The following KCNH7 variants were observed in gnomAD, a reference collection of about 807,000 sequenced individuals.
The protein encoded by KCNH7 is potassium voltage-gated channel subfamily H member 7.
A neutral mutation model predicts 120.8 loss-of-function variants in KCNH7; 49 were observed. The ratio of observed to expected loss-of-function variants is 0.41; its 90% CI spans 0.32 to 0.51. The LOEUF (loss-of-function observed/expected upper bound fraction) is 0.51, where lower values mean the gene tolerates loss of function less well. KCNH7 is among the 20% of genes least tolerant of loss of function. The pLI is 0.38. For synonymous variants in KCNH7, 547 were observed against 516.1 expected (o/e 1.06, Z -0.81); for missense variants, 1,097 against 1,446.6 (o/e 0.76, Z 3.92).
intron 3 of KCNH7, among the ~76,000 whole-genome samples, chr2:162,524,998 A>G (rs1691650870): frequency 6.6e-6 from 1 of 151,950 alleles, no homozygotes; most frequent in Non-Finnish European, 1.5e-5. Context: ...AGTGGGTGAC[A>G]AATGGGCCAC....
intron 2 of KCNH7, among the ~76,000 whole-genome samples, chr2:162,654,188 C>A (rs1574225735): frequency 6.8e-6 from 1 of 146,656 alleles, no homozygotes; most frequent in Non-Finnish European, 1.5e-5. Context: ...ACAAAGGAAA[C>A]AATCATTAGA....
intron 2 of KCNH7, among the ~76,000 whole-genome samples, chr2:162,665,216 ATCT>A (rs1685092848): frequency 6.6e-6 from 1 of 152,124 alleles, no homozygotes; most frequent in African/African-American, 2.4e-5. Context: ...TCTTGAAAAA[ATCT>A]TCTATCACAC....
At chr2:162,662,936 T>G (rs1188204741) in intron 2 of KCNH7, among the ~76,000 whole-genome samples, 1 of 152,238 alleles carries the variant, frequency 6.6e-6, no homozygotes, top group African/African-American at 2.4e-5. Context: ...AAGACTTGGG[T>G]TCTTCTTACT....
At chr2:162,675,203 C>A (rs958073969) in intron 2 of KCNH7, among the ~76,000 whole-genome samples, 22 of 151,430 alleles carry the variant, frequency 1.5e-4, no homozygotes, top group Admixed American at 2.6e-4. Context: ...ATATGATACA[C>A]TAAAATACTA....
chr2:162,731,427 A>G (rs1687727993), intron 2 of KCNH7, among the ~76,000 whole-genome samples: 2 of 151,824 alleles, frequency 1.3e-5, no homozygotes, highest in African/African-American at 4.8e-5. Flanking sequence ...CTAAATGCCT[A>G]TAAACAGAAT....
intron 2 of KCNH7, among the ~76,000 whole-genome samples, chr2:162,760,788 A>T (rs576719815): frequency 1.3e-5 from 2 of 152,132 alleles, no homozygotes; most frequent in East Asian, 1.9e-4. Context: ...TTTCCCTCTA[A>T]AATATATGCT....
chr2:162,769,467 T>G (rs1330365586), intron 2 of KCNH7, among the ~76,000 whole-genome samples: 1 of 152,088 alleles, frequency 6.6e-6, no homozygotes, highest in Non-Finnish European at 1.5e-5. Flanking sequence ...CTAATAATAT[T>G]CACTGAATTT....
intron 3 of KCNH7, among the ~76,000 whole-genome samples, chr2:162,521,058 A>G (rs1042162289): frequency 1.1e-4 from 16 of 151,922 alleles, no homozygotes; most frequent in African/African-American, 3.9e-4. Flanking sequence ...TTCATGGGTA[A>G]GCTTTTCCTT....
At chr2:162,568,283 C>G (rs1693330959) in intron 2 of KCNH7, among the ~76,000 whole-genome samples, 1 of 151,946 alleles carries the variant, frequency 6.6e-6, no homozygotes, top group Admixed American at 6.6e-5. Context: ...GATTACAATT[C>G]AAGATGAGAT....
chr2:162,582,928 A>G (rs1231687514), intron 2 of KCNH7, among the ~76,000 whole-genome samples: 2 of 152,118 alleles, frequency 1.3e-5, no homozygotes. Flanking sequence ...TGAGAGTTTG[A>G]TATAATTGCT....
chr2:162,598,577 T>A (rs1304895689), intron 2 of KCNH7, among the ~76,000 whole-genome samples: 1 of 152,104 alleles, frequency 6.6e-6, no homozygotes, highest in African/African-American at 2.4e-5. Context: ...AAAGACCCAA[T>A]ACTGAGTAAT....
chr2:162,635,523 G>A (rs943628870), intron 2 of KCNH7, among the ~76,000 whole-genome samples: 7 of 151,900 alleles, frequency 4.6e-5, no homozygotes, highest in African/African-American at 1.7e-4. Flanking sequence ...TGGCTTTAAA[G>A]TTTTGCAAAT....
chr2:162,518,207 C>A (rs774727518), intron 3 of KCNH7, 49 bp from the exon 4 acceptor site: 8 of 1,355,172 alleles, frequency 5.9e-6, no homozygotes, highest in Middle Eastern at 1.9e-4. Context: ...AATGATATAT[C>A]CTGTAACAAA....
At chr2:162,459,429 T>A (rs1471691778) in intron 6 of KCNH7, among the ~76,000 whole-genome samples, 1 of 152,148 alleles carries the variant, frequency 6.6e-6, no homozygotes, top group Non-Finnish European at 1.5e-5. Flanking sequence ...ATTGCTAGAA[T>A]GTGTCTGCCT....
intron 2 of KCNH7, among the ~76,000 whole-genome samples, chr2:162,802,644 G>A (rs953046133): frequency 3.3e-5 from 5 of 151,508 alleles, no homozygotes; most frequent in African/African-American, 7.3e-5. Context: ...AATAAATTAT[G>A]ACAATATATT....
intron 2 of KCNH7, among the ~76,000 whole-genome samples, chr2:162,692,195 G>A (rs929002196): frequency 6.7e-6 from 1 of 149,084 alleles, no homozygotes; most frequent in Non-Finnish European, 1.5e-5. Flanking sequence ...GTGTGATCTC[G>A]GCTCACTGCA....
chr2:162,821,180 C>G (rs79095924), intron 2 of KCNH7, among the ~76,000 whole-genome samples: 3,936 of 152,304 alleles, frequency 0.026, 165 homozygotes, highest in African/African-American at 0.089. Context: ...GATAAACATC[C>G]TTTACAAAGT....
chr2:162,832,673 G>A (rs575294437), intron 2 of KCNH7, among the ~76,000 whole-genome samples: 39 of 152,132 alleles, frequency 2.6e-4, no homozygotes, highest in African/African-American at 8.9e-4. Context: ...ATCTTCCTTT[G>A]TATCTCTTCC....
chr2:162,835,485 C>T lies in KCNH7; in HGVS notation c.307+1052G>A, dbSNP rs1313371889. On this transcript the variant is annotated intron_variant, in intron 2 of 15. Transcript: ENST00000332142. ...AAAAATCTGAACAGCTACCCCTCTG[C>T]CTCAGTAATTTCTGTTAGTGGAATA... Among the ~76,000 whole-genome samples, 4 of 151,938 alleles carry T rather than the reference C, an allele frequency of 2.6e-5. No individual in the cohort carries two copies. The East Asian group carries it at 7.8e-4, about 29-fold the overall frequency.
Sources: gnomAD v4.1 joint callset for allele counts (sites outside exome capture counted in the v4.1 genomes callset) on GRCh38, gnomAD v4.1.1 for gene constraint, MANE v1.5 for transcripts, NCBI Gene and HGNC (gene_info 2026-07-23, HGNC 2026-07-21) for gene names.